Variants in NBEA observed in about 807,000 individuals in gnomAD.
NBEA encodes the protein neurobeachin.
Under a neutral mutation model 343.4 loss-of-function variants are expected in NBEA, and 44 were observed. The observed-to-expected ratio is 0.13, with a 90% CI of 0.10 to 0.16. The LOEUF is 0.16. Among genes scored for constraint, NBEA ranks in the 10% least tolerant of loss-of-function variants. The probability of loss-of-function intolerance (pLI) is 1.00; values close to 1 mark genes in which losing one functional copy is unlikely to be tolerated. For synonymous variants in NBEA, 1,175 were observed against 1,238.7 expected, an observed-to-expected ratio of 0.95 and a Z score of 1.08; for missense variants, 2,555 against 3,631.3, an observed-to-expected ratio of 0.70 and a Z score of 7.62.
At chr13:35,345,324 C>T (rs192772859) in intron 36 of NBEA, among the ~76,000 whole-genome samples, 57 of 152,104 alleles carry the variant, frequency 3.7e-4, no homozygotes, top group African/African-American at 1.3e-3. Context: ...GCAATCTGAA[C>T]AACATATTGC....
chr13:35,392,792 G>A (rs2042568501), intron 38 of NBEA, among the ~76,000 whole-genome samples: 1 of 151,970 alleles, frequency 6.6e-6, no homozygotes, highest in Non-Finnish European at 1.5e-5. Context: ...GACTTTTTTT[G>A]CCCTAGATAA....
chr13:35,261,376 G>T (rs183732273), intron 34 of NBEA, among the ~76,000 whole-genome samples: 8 of 152,142 alleles, frequency 5.3e-5, no homozygotes, highest in Admixed American at 3.9e-4. Flanking sequence ...GCTGGACATG[G>T]TAGAGCATAT....
intron 1 of NBEA, among the ~76,000 whole-genome samples, chr13:34,974,350 G>T (rs1444662366): frequency 6.6e-6 from 1 of 152,170 alleles, no homozygotes; most frequent in Non-Finnish European, 1.5e-5. Flanking sequence ...CAGAGTAGAA[G>T]TGGTTTCCTC....
chr13:35,391,184 A>C (rs1202345932), intron 38 of NBEA, among the ~76,000 whole-genome samples: 3 of 151,892 alleles, frequency 2.0e-5, no homozygotes, highest in Non-Finnish European at 2.9e-5. Flanking sequence ...CTGAGGCAGG[A>C]GAATCACTTG....
rs766010004 is a variant in NBEA at position 35,665,095 on chromosome 13, G to A, written c.8373G>A (p.Pro2791=). 59 of 1,570,954 alleles carry A rather than the reference G, an allele frequency of 3.8e-5. No individual in the cohort carries two copies. In the East Asian group the frequency reaches 9.7e-4, roughly 26 times the overall value. ...GCTGTTTTCTTGCAGGTGACTATCC[G>A]GCACCAAGAGCCGTCCTCACAGGCC... The part of the protein sequence containing the change: ...IGDNPNSSDY[P]APRAVLTGHD... The change falls in exon 56 of 59, where the codon CCG becomes CCA. Residue 2791 remains proline, a synonymous_variant. Transcript: ENST00000379939.
At chr13:35,475,845 C>T (rs1435954821) in intron 41 of NBEA, 11 of 1,614,048 alleles carry the variant, frequency 6.8e-6, no homozygotes, top group Non-Finnish European at 8.5e-6. Flanking sequence ...ACTTCAGCAC[C>T]GCGCAGCCGG....
At chr13:35,022,756 G>T (rs2061891137) in intron 1 of NBEA, among the ~76,000 whole-genome samples, 2 of 151,952 alleles carry the variant, frequency 1.3e-5, no homozygotes. Context: ...ATCTTGGGCT[G>T]GTTATTTAAT....
intron 27 of NBEA, among the ~76,000 whole-genome samples, chr13:35,174,361 T>C (rs2070710386): frequency 6.6e-6 from 1 of 152,144 alleles, no homozygotes; most frequent in Non-Finnish European, 1.5e-5. Context: ...TCTAGGGTTG[T>C]TCCTTCTGTT....
intron 48 of NBEA, among the ~76,000 whole-genome samples, chr13:35,626,562 G>A (rs1392240905): frequency 6.6e-6 from 1 of 152,126 alleles, no homozygotes; most frequent in Non-Finnish European, 1.5e-5. Context: ...TTGAATTCCT[G>A]TGAATAGACT....
At chr13:35,256,994 C>T (rs2152794310) in intron 34 of NBEA, among the ~76,000 whole-genome samples, 1 of 152,334 alleles carries the variant, frequency 6.6e-6, no homozygotes, top group African/African-American at 2.4e-5. Flanking sequence ...GTTCCAGCCC[C>T]CACCTAGTCC....
chr13:35,538,668 C>T (rs1467622504), intron 41 of NBEA, among the ~76,000 whole-genome samples: 1 of 152,176 alleles, frequency 6.6e-6, no homozygotes, highest in Non-Finnish European at 1.5e-5. Flanking sequence ...ACAGTAACCC[C>T]CGTGAGGACA....
chr13:35,352,643 C>T (rs948635978), intron 38 of NBEA, among the ~76,000 whole-genome samples: 10 of 151,944 alleles, frequency 6.6e-5, no homozygotes, highest in Admixed American at 6.6e-4. Context: ...AGAAGTGGCT[C>T]TTTTTAAAAA....
chr13:35,305,783 GT>G (rs749213910), intron 35 of NBEA, among the ~76,000 whole-genome samples: 20 of 152,248 alleles, frequency 1.3e-4, no homozygotes, highest in African/African-American at 4.6e-4. Flanking sequence ...TGTTTCTCCT[GT>G]TTGATATATT....
chr13:35,278,238 G>A (rs1446003956), intron 34 of NBEA, among the ~76,000 whole-genome samples: 1 of 151,430 alleles, frequency 6.6e-6, no homozygotes, highest in Non-Finnish European at 1.5e-5. Context: ...AGATTGTATT[G>A]AACAAACTCA....
At chr13:35,108,768 T>C (rs1383034250) in intron 11 of NBEA, among the ~76,000 whole-genome samples, 1 of 152,032 alleles carries the variant, frequency 6.6e-6, no homozygotes. Context: ...TAGTTGAAAA[T>C]TCTTGAAGCG....
chr13:35,561,767 A>G (rs2153022089), intron 44 of NBEA, among the ~76,000 whole-genome samples: 1 of 152,280 alleles, frequency 6.6e-6, no homozygotes, highest in Admixed American at 6.5e-5. Context: ...TTGCATATAA[A>G]TAAACACACA....
chr13:35,144,451 G>C (rs2068290439), intron 18 of NBEA, among the ~76,000 whole-genome samples: 1 of 152,064 alleles, frequency 6.6e-6, no homozygotes, highest in East Asian at 1.9e-4. Flanking sequence ...TGCCATACTG[G>C]GTGCAGTTAG....
intron 10 of NBEA, among the ~76,000 whole-genome samples, chr13:35,084,289 C>T (rs1443392463): frequency 6.6e-6 from 1 of 152,170 alleles, no homozygotes; most frequent in African/African-American, 2.4e-5. Context: ...TTCAGCACCA[C>T]ACCACACCTA....
At chr13:35,256,092 G>T (rs558484307) in intron 34 of NBEA, among the ~76,000 whole-genome samples, 40 of 152,160 alleles carry the variant, frequency 2.6e-4, no homozygotes, top group Non-Finnish European at 5.1e-4. Context: ...ACCCAGAGTG[G>T]GTAGCTCCTA....
Sources: gnomAD v4.1 joint callset for allele counts (sites outside exome capture counted in the v4.1 genomes callset) on GRCh38, gnomAD v4.1.1 for gene constraint, MANE v1.5 for transcripts, NCBI Gene and HGNC (gene_info 2026-07-23, HGNC 2026-07-21) for gene names.